The following KLF13 variants were observed in gnomAD, a reference collection of about 807,000 sequenced individuals.
The protein encoded by KLF13 is Krueppel-like factor 13.
Under a neutral mutation model 16.7 loss-of-function variants are expected in KLF13, and 8 were observed. The ratio of observed to expected loss-of-function variants is 0.48; its 90% CI spans 0.28 to 0.87. KLF13 has a LOEUF of 0.87. KLF13 is among the 40% of genes least tolerant of loss of function. KLF13 has a pLI of 0.10. For synonymous variants in KLF13, 245 were observed against 208.4 expected, an observed-to-expected ratio of 1.18 and a Z score of -1.51; for missense variants, 447 against 452.2, an observed-to-expected ratio of 0.99 and a Z score of 0.10.
At chr15:31,408,464 C>G (rs552149388), downstream of KLF13, among the ~76,000 whole-genome samples, 2 of 152,240 alleles carry the variant, frequency 1.3e-5, no homozygotes, top group African/African-American at 4.8e-5. Flanking sequence ...AAAATTCTCG[C>G]AAAATAGCCC....
chr15:31,408,679 C>A (rs925193674), downstream of KLF13, among the ~76,000 whole-genome samples: 2 of 152,042 alleles, frequency 1.3e-5, no homozygotes, highest in African/African-American at 4.8e-5. Flanking sequence ...TGTTTTTAAA[C>A]AAAAACTCTG....
intron 1 of KLF13, among the ~76,000 whole-genome samples, chr15:31,415,512 A>C (rs1341534202): frequency 6.6e-6 from 1 of 152,224 alleles, no homozygotes; most frequent in African/African-American, 2.4e-5. Context: ...AGATATGTGG[A>C]AATTTTACAA....
At chr15:31,383,711 T>C (rs1384102303) in intron 1 of KLF13, among the ~76,000 whole-genome samples, 1 of 152,014 alleles carries the variant, frequency 6.6e-6, no homozygotes, top group Non-Finnish European at 1.5e-5. Context: ...CCATCCTGGC[T>C]AACACGGTGA....
In KLF13 at chr15:31,372,229, C is replaced by T. The variant is rs772035435; in HGVS notation, c.797C>T (p.Thr266Ile). ...MLQRRGGGSRTGSLSDYSRSD... is the reference protein window; with the variant it reads ...MLQRRGGGSRIGSLSDYSRSD... ...CAGCGGCGCGGCGGGGGCTCGCGGACCGGCTCCCTCAGCGACTACAGCCGC... is the reference window on the plus strand; with the variant it reads ...CAGCGGCGCGGCGGGGGCTCGCGGATCGGCTCCCTCAGCGACTACAGCCGC... Residue 266 changes from threonine (T) to isoleucine (I), a missense_variant, in exon 2 of 2, where the codon ACC (threonine) becomes ATC (isoleucine). Around this residue, in one of 2 missense-constraint regions of KLF13, gnomAD observed 88 missense variants for 169.5 expected, o/e 0.52. Coordinates refer to ENST00000307145, the MANE Select transcript of KLF13 (RefSeq NM_015995.4). 1 of 1,593,710 alleles carries T rather than the reference C, an allele frequency of 6.3e-7. No individual in the cohort carries two copies. Among genetic ancestry groups the T allele is most frequent in the Non-Finnish European group, 8.5e-7 (1 of 1,173,708 alleles).
chr15:31,371,088 C>T (rs1334803344), intron 1 of KLF13, among the ~76,000 whole-genome samples: 1 of 152,176 alleles, frequency 6.6e-6, no homozygotes, highest in African/African-American at 2.4e-5. Flanking sequence ...ACCCCTAATA[C>T]AAGAAGGGCT....
chr15:31,416,056 G>A (rs982830573), intron 1 of KLF13, among the ~76,000 whole-genome samples: 1 of 152,016 alleles, frequency 6.6e-6, no homozygotes, highest in Non-Finnish European at 1.5e-5. Flanking sequence ...ATGCCAACAA[G>A]TTACGTAACA....
intron 1 of KLF13, among the ~76,000 whole-genome samples, chr15:31,422,141 A>AAAC (rs2040335096): frequency 6.6e-6 from 1 of 151,978 alleles, no homozygotes; most frequent in African/African-American, 2.4e-5. Context: ...ACAAAAAAAA[A>AAAC]AAAAAAAGAA....
intron 1 of KLF13, among the ~76,000 whole-genome samples, chr15:31,369,722 C>T (rs1005198483): frequency 6.6e-6 from 1 of 152,196 alleles, no homozygotes; most frequent in Non-Finnish European, 1.5e-5. Flanking sequence ...CATGCAATGG[C>T]CCTTTACTAT....
chr15:31,388,854 C>CTT (rs775140687), upstream of KLF13, among the ~76,000 whole-genome samples: 2 of 129,968 alleles, frequency 1.5e-5, no homozygotes, highest in Non-Finnish European at 3.3e-5. Flanking sequence ...TGGGATTAAA[C>CTT]TTTTTTTTTT....
chr15:31,406,068 T>C (rs897862338), downstream of KLF13, among the ~76,000 whole-genome samples: 8 of 151,908 alleles, frequency 5.3e-5, no homozygotes, highest in African/African-American at 2.4e-5. Flanking sequence ...TAAAAACAAA[T>C]CAGGAGGAGG....
At position 31,364,602 on chromosome 15, in the gene KLF13, T is replaced by C. The variant is rs78367452; in HGVS notation, c.578-7408T>C. On this transcript the variant is annotated intron_variant, in intron 1 of 1. Coordinates refer to ENST00000307145, the MANE Select transcript of KLF13 (RefSeq NM_015995.4). ...GTATTCTCCCACTTAACCCTCACAG[T>C]GACTGAGAAACAGGCTGGATGACAA... Among the ~76,000 whole-genome samples, 1,439 of 152,352 alleles carry C rather than the reference T, an allele frequency of 9.4e-3. 28 individuals are homozygous for C. The highest frequency in any genetic ancestry group is 0.033 in the African/African-American group (1,359 of 41,576).
At chr15:31,368,839 G>A (rs139491040) in intron 1 of KLF13, among the ~76,000 whole-genome samples, 1 of 152,126 alleles carries the variant, frequency 6.6e-6, no homozygotes, top group African/African-American at 2.4e-5. Flanking sequence ...TAGATAGATA[G>A]ATAGATAGGT....
chr15:31,370,960 G>C (rs1317694041), intron 1 of KLF13, among the ~76,000 whole-genome samples: 1 of 152,092 alleles, frequency 6.6e-6, no homozygotes, highest in Non-Finnish European at 1.5e-5. Context: ...AGGTGGGTGG[G>C]TGAGTGGGTT....
At chr15:31,352,578 G>A (rs2039234272) in intron 1 of KLF13, among the ~76,000 whole-genome samples, 1 of 152,196 alleles carries the variant, frequency 6.6e-6, no homozygotes, top group Admixed American at 6.5e-5. Flanking sequence ...CCCTGTGCTG[G>A]CCCCGTGGAA....
At chr15:31,428,712 G>A (rs570085759) in intron 1 of KLF13, among the ~76,000 whole-genome samples, 92 of 143,980 alleles carry the variant, frequency 6.4e-4, no homozygotes, top group African/African-American at 2.2e-3. Context: ...GGAGGCTGAG[G>A]CAGGAGAATG....
At chr15:31,390,479 G>A (rs1487909992), upstream of KLF13, among the ~76,000 whole-genome samples, 4 of 152,182 alleles carry the variant, frequency 2.6e-5, no homozygotes, top group Admixed American at 6.5e-5. Context: ...TACTGATGGG[G>A]ATCTGATGCA....
At chr15:31,401,531 G>T (rs2140992353) in intron 2 of KLF13, among the ~76,000 whole-genome samples, 1 of 152,334 alleles carries the variant, frequency 6.6e-6, no homozygotes, top group East Asian at 1.9e-4. Flanking sequence ...TGGGCACAGG[G>T]CCTGTGCTTG....
intron 1 of KLF13, among the ~76,000 whole-genome samples, chr15:31,340,440 G>A (rs1284837163): frequency 3.9e-5 from 6 of 152,228 alleles, no homozygotes; most frequent in Non-Finnish European, 4.4e-5. Flanking sequence ...CAGGGCTGTG[G>A]TGAGGGCCCC....
Position 31,428,751 on chromosome 15 carries a change from C to T in KLF13, n.118-6619C>T, listed in dbSNP as rs539172944. ...TGAACCCAGGAGGCTTGCAGTGAGC[C>T]GAGATCGCGCCACTGCAGTCTGGCC... On this transcript the variant is annotated intron_variant and non_coding_transcript_variant, in intron 1 of 1. Coordinates refer to the KLF13 transcript ENST00000558225. 1.7e-3 allele frequency among the ~76,000 whole-genome samples: 225 copies of T among 134,740 alleles called. 2 individuals are homozygous for T. The highest frequency in any genetic ancestry group is 6.2e-3 in the African/African-American group (213 of 34,616). 88.4% of individuals were successfully genotyped at this position (134,740 alleles called of 152,430 possible).
Sources: allele counts gnomAD v4.1 joint callset (sites outside exome capture counted in the v4.1 genomes callset), GRCh38; gene constraint gnomAD v4.1.1; regional missense constraint gnomAD v4.1.1; transcripts MANE v1.5; gene names NCBI Gene and HGNC (gene_info 2026-07-23, HGNC 2026-07-21).